Variants in FAM186A observed in about 807,000 individuals in gnomAD.
The protein encoded by FAM186A is family with sequence similarity 186 member A, also known as protein FAM186A.
In FAM186A, 163 loss-of-function variants were observed where a neutral mutation model predicts 216.8. The ratio of observed to expected loss-of-function variants is 0.75; its 90% CI spans 0.66 to 0.86. The LOEUF is 0.86. FAM186A is among the 40% of genes least tolerant of loss of function. The probability of loss-of-function intolerance (pLI) is 0.00; values close to 1 mark genes in which losing one functional copy is unlikely to be tolerated. For synonymous variants in FAM186A, 805 were observed against 1,025.3 expected, an observed-to-expected ratio of 0.79 and a Z score of 4.10; for missense variants, 2,184 against 2,746.2, an observed-to-expected ratio of 0.80 and a Z score of 4.58.
At chr12:50,373,025 AAG>A (rs1491480885) in intron 1 of FAM186A, among the ~76,000 whole-genome samples, 3 of 147,162 alleles carry the variant, frequency 2.0e-5, no homozygotes, top group Non-Finnish European at 4.5e-5. Flanking sequence ...GAAAGAAAGA[AAG>A]AAAGAAAGAA....
At chr12:50,375,122 G>A (rs1176640719) in intron 1 of FAM186A, among the ~76,000 whole-genome samples, 1 of 152,154 alleles carries the variant, frequency 6.6e-6, no homozygotes, top group African/African-American at 2.4e-5. Context: ...AGGTTGCAGT[G>A]AGCCAAGATC....
intron 1 of FAM186A, among the ~76,000 whole-genome samples, chr12:50,375,745 A>G (rs946707036): frequency 6.6e-6 from 1 of 151,542 alleles, no homozygotes; most frequent in African/African-American, 2.4e-5. Context: ...AAAAAGAAAA[A>G]GAAATTGAAA....
chr12:50,327,904 G>A (rs768674314), intron 7 of FAM186A, among the ~76,000 whole-genome samples: 17 of 152,142 alleles, frequency 1.1e-4, no homozygotes, highest in East Asian at 1.9e-4. Context: ...ACCCAAAATC[G>A]GGAAGAAAAG....
intron 1 of FAM186A, among the ~76,000 whole-genome samples, chr12:50,385,071 C>A (rs1268712896): frequency 6.6e-6 from 1 of 150,484 alleles, no homozygotes; most frequent in African/African-American, 2.4e-5. Flanking sequence ...TCCCAAAGTG[C>A]TGGGATTACA....
At chr12:50,376,544 T>C (rs1943200039) in intron 1 of FAM186A, among the ~76,000 whole-genome samples, 1 of 152,114 alleles carries the variant, frequency 6.6e-6, no homozygotes, top group Non-Finnish European at 1.5e-5. Flanking sequence ...TAGGAGTCTC[T>C]GAGTCTGGCT....
At position 50,327,350 on chromosome 12, in the gene FAM186A, G is replaced by A; in HGVS notation, c.*33C>T. On this transcript the variant is annotated 3_prime_UTR_variant, in exon 8 of 8. Coordinates refer to ENST00000327337, the MANE Select transcript of FAM186A (RefSeq NM_001145475.3). The stretch of plus-strand genomic sequence containing the variant: ...GCATTTTACTGAAAGATACTGAAAT[G>A]TACTTTCAACATGCTTGTATTTAAT... The A allele has an allele frequency of 1.3e-6, 2 of 1,518,540 alleles. No individual in the cohort carries two copies. The highest frequency in any genetic ancestry group is 1.8e-6 in the Non-Finnish European group (2 of 1,117,632). 94.1% of individuals were successfully genotyped at this position (1,518,540 alleles called of 1,614,324 possible).
intron 1 of FAM186A, among the ~76,000 whole-genome samples, chr12:50,383,619 C>G (rs1592633513): frequency 1.3e-5 from 2 of 151,880 alleles, no homozygotes; most frequent in East Asian, 1.9e-4. Flanking sequence ...AAGAAAGAAA[C>G]AAACAAACCC....
chr12:50,392,982 G>A (rs1359805424), intron 1 of FAM186A, among the ~76,000 whole-genome samples: 3 of 147,862 alleles, frequency 2.0e-5, no homozygotes, highest in Non-Finnish European at 3.0e-5. Context: ...GCTGGAGTGC[G>A]GTGGCGCAAT....
intron 1 of FAM186A, among the ~76,000 whole-genome samples, chr12:50,384,267 T>G (rs753741530): frequency 4.6e-5 from 7 of 151,708 alleles, no homozygotes; most frequent in Non-Finnish European, 8.8e-5. Context: ...AGACCCTGTC[T>G]CTACAAAAAT....
In FAM186A at chr12:50,396,341, CT is replaced by C; in HGVS notation, c.143del (p.Lys48ArgfsTer23). ...LPNLEIPFSVKDIISRIERAQ... is the reference protein window; with the variant it reads ...LPNLEIPFSVXDIISRIERAQ... ...CGCGCTCAATCCTAGAGATGATATC[CT>C]TTACTGAGAATGGGATCTCAAGGTT... On this transcript the variant is annotated frameshift_variant, in exon 1 of 8. Coordinates refer to ENST00000327337, the MANE Select transcript of FAM186A (RefSeq NM_001145475.3). LOFTEE classifies it high-confidence loss of function. The C allele has an allele frequency of 6.4e-7, 1 of 1,551,604 alleles. No individual in the cohort carries two copies. The highest frequency in any genetic ancestry group is 8.7e-7 in the Non-Finnish European group (1 of 1,146,988).
At chr12:50,349,724 A>T (rs1281219542) in intron 4 of FAM186A, among the ~76,000 whole-genome samples, 1 of 152,026 alleles carries the variant, frequency 6.6e-6, no homozygotes, top group Admixed American at 6.6e-5. Flanking sequence ...TGATCGGCTT[A>T]TTGCAACTTC....
rs1942616289 is a variant in FAM186A at position 50,327,415 on chromosome 12, G to T, written c.7035-11C>A. 6.5e-7 allele frequency: 1 copy of T among 1,544,544 alleles called. No homozygotes were observed. Among genetic ancestry groups the T allele is most frequent in the African/African-American group, 1.4e-5 (1 of 72,780 alleles). On this transcript the variant is annotated splice_polypyrimidine_tract_variant and intron_variant, in intron 7 of 7. Transcript: ENST00000327337. Reference sequence around the variant, plus strand: ...GGAATCTTCTTAACCCTGGAAATGAGACAAGAAAATTAACCTCATTATAAA... The same window carrying T: ...GGAATCTTCTTAACCCTGGAAATGATACAAGAAAATTAACCTCATTATAAA...
chr12:50,384,949 GTGCC>G (rs1177894596), intron 1 of FAM186A, among the ~76,000 whole-genome samples: 1 of 151,890 alleles, frequency 6.6e-6, no homozygotes, highest in Non-Finnish European at 1.5e-5. Context: ...GGGATTTCAG[GTGCC>G]TGCCTCTATG....
At chr12:50,367,148 A>G (rs1255562755) in intron 1 of FAM186A, among the ~76,000 whole-genome samples, 1 of 152,172 alleles carries the variant, frequency 6.6e-6, no homozygotes, top group Non-Finnish European at 1.5e-5. Flanking sequence ...TTCCTCCAAG[A>G]TTAGGAACAA....
chr12:50,349,379 G>A (rs929229612), intron 4 of FAM186A, among the ~76,000 whole-genome samples: 1 of 151,978 alleles, frequency 6.6e-6, no homozygotes, highest in African/African-American at 2.4e-5. Context: ...TGTAGAGACA[G>A]GGTCTCAATT....
intron 1 of FAM186A, among the ~76,000 whole-genome samples, chr12:50,378,089 TGGCC>T (rs1297591800): frequency 1.3e-5 from 2 of 151,558 alleles, no homozygotes; most frequent in African/African-American, 2.4e-5. Context: ...GCCGGCGTGG[TGGCC>T]ACATGCCTGT....
chr12:50,392,750 C>T (rs1192632650), intron 1 of FAM186A, among the ~76,000 whole-genome samples: 2 of 148,584 alleles, frequency 1.3e-5, no homozygotes, highest in Non-Finnish European at 3.0e-5. Context: ...AGTCGTGTGC[C>T]ACCACACTTG....
Position 50,396,289 on chromosome 12 carries a change from C to G in FAM186A, c.192+4G>C. 1 of 1,522,182 alleles carries G rather than the reference C, an allele frequency of 6.6e-7. No homozygotes were observed. The highest frequency in any genetic ancestry group is 8.8e-7 in the Non-Finnish European group (1 of 1,133,420). The allele number at this position is 1,522,182 out of a possible 1,614,324, so 94.3% of individuals were successfully genotyped here. On this transcript the variant is annotated splice_donor_region_variant and intron_variant, in intron 1 of 7. Coordinates refer to ENST00000327337, the MANE Select transcript of FAM186A (RefSeq NM_001145475.3). ...AGTCTGTAAACTTCAGATTCACTAC[C>G]TACCTCTCTGGCTCGATGGAGCTGT...
At position 50,357,546 on chromosome 12, in the gene FAM186A, T is replaced by A. The variant is rs1288418259; in HGVS notation, c.584-1298A>T. On this transcript the variant is annotated intron_variant, in intron 3 of 7. Transcript: ENST00000327337. ...CACACATTTGAAAAGATTTGCAGAA[T>A]GTCTGAGTGAGAAAATCAGCAATCT... Among the ~76,000 whole-genome samples, 13 of 147,128 alleles carry A rather than the reference T, an allele frequency of 8.8e-5. No individual in the cohort carries two copies. The Admixed American group carries it at 8.9e-4, about 10-fold the overall frequency.
Sources: gnomAD v4.1 joint callset for allele counts (sites outside exome capture counted in the v4.1 genomes callset) on GRCh38, gnomAD v4.1.1 for gene constraint, MANE v1.5 for transcripts, NCBI Gene and HGNC (gene_info 2026-07-23, HGNC 2026-07-21) for gene names.